The following TRPC3 variants were observed in gnomAD, a reference collection of about 807,000 sequenced individuals.
TRPC3 encodes transient receptor potential cation channel subfamily C member 3.
TRPC3 carries 54 observed loss-of-function variants against 90.9 expected under a neutral mutation model. That is an observed-to-expected ratio of 0.59 (90% CI 0.48 to 0.75). The LOEUF is 0.75. TRPC3 is among the 30% of genes least tolerant of loss of function. TRPC3 has a pLI of 0.00. For synonymous variants in TRPC3, 424 were observed against 450.9 expected (o/e 0.94, Z 0.75); for missense variants, 918 against 1,194.5 (o/e 0.77, Z 3.41).
rs114474325 is a variant in TRPC3 at position 121,881,205 on chromosome 4, C to T, written c.2623+1149G>A. Among the ~76,000 whole-genome samples the T allele has an allele frequency of 3.0e-3, 454 of 152,238 alleles. 6 individuals are homozygous for T. Among genetic ancestry groups the T allele is most frequent in the African/African-American group, 0.01 (434 of 41,562 alleles). The stretch of plus-strand genomic sequence containing the variant: ...GCCAATTCAGGAAACACAAGTTACT[C>T]AAACTCTTCAGATTTTAGTTTCCTC... On this transcript the variant is annotated intron_variant, in intron 11 of 11. Coordinates refer to ENST00000379645, the MANE Select transcript of TRPC3 (RefSeq NM_001130698.2).
intron 10 of TRPC3, among the ~76,000 whole-genome samples, chr4:121,887,393 CTT>C (rs1728160903): frequency 6.6e-6 from 1 of 152,190 alleles, no homozygotes; most frequent in African/African-American, 2.4e-5. Context: ...GAAGGCATGA[CTT>C]ATATCTTTGT....
intron 2 of TRPC3, among the ~76,000 whole-genome samples, chr4:121,929,878 T>A (rs996299099): frequency 7.2e-5 from 11 of 152,158 alleles, no homozygotes; most frequent in African/African-American, 1.7e-4. Context: ...TTTTTTTTTT[T>A]AATTTCAAGG....
Position 121,902,608 on chromosome 4 carries a change from C to T in TRPC3, c.2463+244G>A, listed in dbSNP as rs1578615219. 3.3e-5 allele frequency among the ~76,000 whole-genome samples: 5 copies of T among 152,056 alleles called. No individual in the cohort carries two copies. The South Asian group carries it at 1.0e-3, about 32-fold the overall frequency. Reference sequence around the variant, plus strand: ...CTGGTTACTTTTAACAAGTTAAAGGCTTTTTTGTTTGTTTTTAATCTGGCA... The same window carrying T: ...CTGGTTACTTTTAACAAGTTAAAGGTTTTTTTGTTTGTTTTTAATCTGGCA... On this transcript the variant is annotated intron_variant, in intron 9 of 11. Transcript: ENST00000379645.
At chr4:121,914,360 A>G (rs1390723831) in intron 4 of TRPC3, among the ~76,000 whole-genome samples, 1 of 152,234 alleles carries the variant, frequency 6.6e-6, no homozygotes, top group African/African-American at 2.4e-5. Flanking sequence ...ACAGGTCCAA[A>G]TGGGTTGCCC....
Position 121,951,794 on chromosome 4 carries a change from C to A in TRPC3, c.-114G>T. 1 of 886,834 alleles carries A rather than the reference C, an allele frequency of 1.1e-6. No homozygotes were observed. The highest frequency in any genetic ancestry group is 1.5e-6 in the Non-Finnish European group (1 of 656,974). 54.9% of individuals were successfully genotyped at this position (886,834 alleles called of 1,614,324 possible). On this transcript the variant is annotated 5_prime_UTR_variant, in exon 1 of 12. Coordinates refer to ENST00000379645, the MANE Select transcript of TRPC3 (RefSeq NM_001130698.2). This position sits in a 1 kb window ranked among gnomAD's most constrained non-coding sequence, Gnocchi z 4.4. ...CCACCTCCCGCGGCTTCCGGGGCCC[C>A]GGGCGGCCCAGGGCGGGAAGGCAGG...
intron 10 of TRPC3, among the ~76,000 whole-genome samples, chr4:121,883,559 C>G (rs1728012582): frequency 6.6e-6 from 1 of 152,056 alleles, no homozygotes; most frequent in African/African-American, 2.4e-5. Context: ...CAGGGAAATA[C>G]AAATTATGAC....
At position 121,921,919 on chromosome 4, in the gene TRPC3, G is replaced by GTT. The variant is rs1188029866; in HGVS notation, c.1176+3097_1176+3098dup. Among the ~76,000 whole-genome samples the GTT allele has an allele frequency of 1.9e-3, 222 of 115,586 alleles. 1 individual carries two copies. The highest frequency in any genetic ancestry group is 3.6e-3 in the African/African-American group (115 of 32,174). The allele number at this position is 115,586 out of a possible 152,430, so 75.8% of individuals were successfully genotyped here. On this transcript the variant is annotated intron_variant, in intron 3 of 11. Transcript: ENST00000379645. ...GCCTTTGTTTTTTGGGTTTTTTTTT[G>GTT]TTTTTTTTTTTTTTTTCGAGTCGGA...
intron 4 of TRPC3, among the ~76,000 whole-genome samples, chr4:121,913,395 G>A (rs1195142201): frequency 6.6e-6 from 1 of 152,152 alleles, no homozygotes; most frequent in East Asian, 1.9e-4. Flanking sequence ...CATAAGATAG[G>A]TGGTATACGG....
chr4:121,885,945 T>C (rs1728100112), intron 10 of TRPC3, among the ~76,000 whole-genome samples: 2 of 152,190 alleles, frequency 1.3e-5, no homozygotes, highest in Non-Finnish European at 2.9e-5. Context: ...ATAAAGACTA[T>C]TGATTTTCTC....
chr4:121,883,379 G>A (rs1360562992), intron 10 of TRPC3, among the ~76,000 whole-genome samples: 1 of 151,996 alleles, frequency 6.6e-6, no homozygotes, highest in African/African-American at 2.4e-5. Context: ...GAAAATATTG[G>A]TAATGCTTGT....
chr4:121,905,207 A>G (rs1434195963), intron 7 of TRPC3, among the ~76,000 whole-genome samples: 2 of 152,080 alleles, frequency 1.3e-5, no homozygotes, highest in Admixed American at 1.3e-4. Context: ...TCTTTTTTAT[A>G]TAAAAAAATC....
Position 121,917,828 on chromosome 4 carries a change from T to A in TRPC3, c.1177-2884A>T, listed in dbSNP as rs141360249. Reference sequence around the variant, plus strand: ...GGTAAACTACAGGTGGAGCATATAATGTCATTAAATCAGATTACCACTTAG... The same window carrying A: ...GGTAAACTACAGGTGGAGCATATAAAGTCATTAAATCAGATTACCACTTAG... On this transcript the variant is annotated intron_variant, in intron 3 of 11. Transcript: ENST00000379645. Among the ~76,000 whole-genome samples, 28 of 152,298 alleles carry A rather than the reference T, an allele frequency of 1.8e-4. No individual in the cohort carries two copies. In the East Asian group the frequency reaches 5.4e-3, roughly 29 times the overall value.
intron 2 of TRPC3, among the ~76,000 whole-genome samples, chr4:121,926,500 G>T (rs1055854899): frequency 6.6e-6 from 1 of 151,728 alleles, no homozygotes; most frequent in Non-Finnish European, 1.5e-5. Context: ...TCCGCCTCCT[G>T]GGTTCAAGCA....
Position 121,932,253 on chromosome 4 carries a change from G to T in TRPC3, c.987+18C>A, listed in dbSNP as rs1001315053. 6.2e-7 allele frequency: 1 copy of T among 1,609,076 alleles called. No homozygotes were observed. Among genetic ancestry groups the T allele is most frequent in the South Asian group, 1.1e-5 (1 of 90,772 alleles). Reference sequence around the variant, plus strand: ...TGGGTGAGCACACAGAGCAGCCGGGGTAGAGCGCAAAGCTTACCTTGAACT... The same window carrying T: ...TGGGTGAGCACACAGAGCAGCCGGGTTAGAGCGCAAAGCTTACCTTGAACT... On this transcript the variant is annotated intron_variant, in intron 2 of 11. Transcript: ENST00000379645. The surrounding 1 kb of genome is among the most constrained non-coding windows in gnomAD (Gnocchi z 7.7).
In TRPC3 at chr4:121,877,153, CT is replaced by C. The variant is rs1271445371; in HGVS notation, c.*2582del. Reference sequence around the variant, plus strand: ...AAGGACTAATTCTGACAGCAATCCCCTCGACTAATCCTCATCTCAACCGTAT... The same window carrying C: ...AAGGACTAATTCTGACAGCAATCCCCCGACTAATCCTCATCTCAACCGTAT... On this transcript the variant is annotated 3_prime_UTR_variant, in exon 12 of 12. Coordinates refer to ENST00000379645, the MANE Select transcript of TRPC3 (RefSeq NM_001130698.2). Among the ~76,000 whole-genome samples the C allele has an allele frequency of 6.6e-6, 1 of 152,158 alleles. No individual in the cohort carries two copies. Among genetic ancestry groups the C allele is most frequent in the Admixed American group, 6.5e-5 (1 of 15,280 alleles).
At chr4:121,946,268 T>C (rs111507919) in intron 1 of TRPC3, among the ~76,000 whole-genome samples, 2,771 of 152,200 alleles carry the variant, frequency 0.018, 37 homozygotes, top group Middle Eastern at 0.068. Flanking sequence ...AGAAGAGAGC[T>C]AATGAACAGA....
Position 121,932,636 on chromosome 4 carries a change from G to C in TRPC3, c.622C>G (p.Leu208Val). 1 of 1,612,964 alleles carries C rather than the reference G, an allele frequency of 6.2e-7. No individual in the cohort carries two copies. The highest frequency in any genetic ancestry group is 8.5e-7 in the Non-Finnish European group (1 of 1,179,138). Reference sequence around the variant, plus strand: ...TGCAGCTCCTGCTCACAGGGGCTCAGAGTGAGACGCTTGCTGGCCGCGAAG... The same window carrying C: ...TGCAGCTCCTGCTCACAGGGGCTCACAGTGAGACGCTTGCTGGCCGCGAAG... ...PGFAASKRLT[L>V]SPCEQELQDD... The change falls in exon 2 of 12, where the codon CTG (leucine) becomes GTG (valine). Residue 208 changes from leucine to valine, a missense_variant. This residue lies in a region of TRPC3 where 609 missense variants were observed against 725.9 expected (regional missense o/e 0.84). Transcript: ENST00000379645. The surrounding 1 kb of genome is among the most constrained non-coding windows in gnomAD (Gnocchi z 7.7).
At position 121,910,260 on chromosome 4, in the gene TRPC3, T is replaced by A; in HGVS notation, c.1686A>T (p.Leu562=). 6.2e-7 allele frequency: 1 copy of A among 1,613,820 alleles called. No homozygotes were observed. The highest frequency in any genetic ancestry group is 8.5e-7 in the Non-Finnish European group (1 of 1,179,812). Reference sequence around the variant, plus strand: ...GTGCCTTCGTTGCCTGAAGGAAAGCTAGGAATCTGGCTGTGAAAGCAGCAA... The same window carrying A: ...GTGCCTTCGTTGCCTGAAGGAAAGCAAGGAATCTGGCTGTGAAAGCAGCAA... ...IFIAAFTARF[L]AFLQATKAQQ... Residue 562 remains leucine, a synonymous_variant, in exon 6 of 12, where the codon CTA becomes CTT. Transcript: ENST00000379645.
chr4:121,905,933 C>G (rs1234194482), intron 7 of TRPC3, among the ~76,000 whole-genome samples: 1 of 152,014 alleles, frequency 6.6e-6, no homozygotes, highest in Non-Finnish European at 1.5e-5. Context: ...TTGTTCCTAC[C>G]ATTTATTTAA....
Sources: allele counts gnomAD v4.1 joint callset (sites outside exome capture counted in the v4.1 genomes callset), GRCh38; gene constraint gnomAD v4.1.1; regional missense constraint gnomAD v4.1.1; non-coding constraint Gnocchi (gnomAD v3.1); transcripts MANE v1.5; gene names NCBI Gene and HGNC (gene_info 2026-07-23, HGNC 2026-07-21).